Variants in AKAP9 observed in about 807,000 individuals in gnomAD.
The protein encoded by AKAP9 is A-kinase anchor protein 9.
Under a neutral mutation model 488.5 loss-of-function variants are expected in AKAP9, and 311 were observed. The observed-to-expected ratio is 0.64, with a 90% CI of 0.58 to 0.70. The LOEUF (loss-of-function observed/expected upper bound fraction) is 0.70, where lower values mean the gene tolerates loss of function less well. AKAP9 is among the 30% of genes least tolerant of loss of function. The probability of loss-of-function intolerance (pLI) is 0.00; values close to 1 mark genes in which losing one functional copy is unlikely to be tolerated. For synonymous variants in AKAP9, 1,462 were observed against 1,483.5 expected (o/e 0.99, Z 0.33); for missense variants, 4,215 against 4,374.5 (o/e 0.96, Z 1.03).
chr7:92,038,427 G>T lies in AKAP9; in HGVS notation c.4347G>T (p.Val1449=). The change falls in exon 17 of 50, where the codon GTG becomes GTT. Residue 1449 remains valine, a synonymous_variant. Transcript: ENST00000356239. ...TGCTTTTATTTCTTTAGGTTATTGT[G>T]TCAATGAGTATAGCATTTGCTCAAC... ...QLEEEVAKVI[V]SMSIAFAQQT... is the part of the protein sequence containing the mutation. 6.2e-7 allele frequency: 1 copy of T among 1,610,570 alleles called. No homozygotes were observed. Among genetic ancestry groups the T allele is most frequent in the Non-Finnish European group, 8.5e-7 (1 of 1,177,214 alleles).
intron 22 of AKAP9, among the ~76,000 whole-genome samples, chr7:92,055,179 A>C (rs541942665): frequency 6.6e-6 from 1 of 152,052 alleles, no homozygotes; most frequent in Non-Finnish European, 1.5e-5. Context: ...GCTTCCTAAT[A>C]CTTGTTTTTA....
Position 92,083,500 on chromosome 7 carries a change from A to T in AKAP9, c.8491A>T (p.Met2831Leu). 2 of 1,611,644 alleles carry T rather than the reference A, an allele frequency of 1.2e-6. No individual in the cohort carries two copies. The highest frequency in any genetic ancestry group is 1.7e-4 in the Middle Eastern group (1 of 6,048). ...ISQFTEKIEK[M>L]QELHAAEILD... ...TCAGTTTACTGAAAAAATTGAGAAGATGCAAGAACTACATGCTGCTGAAAT... is the reference window on the plus strand; with the variant it reads ...TCAGTTTACTGAAAAAATTGAGAAGTTGCAAGAACTACATGCTGCTGAAAT... Residue 2831 changes from methionine to leucine, a missense_variant, in exon 33 of 50, where the codon ATG becomes TTG. Met to Leu is a conservative substitution (Grantham distance 15, BLOSUM62 2). Around this residue, in one of 5 missense-constraint regions of AKAP9, gnomAD observed 1,476 missense variants for 1,477.4 expected, o/e 1.00. Transcript: ENST00000356239.
At position 92,103,094 on chromosome 7, in the gene AKAP9, T is replaced by A. The variant is rs79948417; in HGVS notation, c.11330+268T>A. ...TGGCCTATCCAATCACGGCTGCCTTTTAGAAAACAATCTGGGCCAGGCGTG... is the reference window on the plus strand; with the variant it reads ...TGGCCTATCCAATCACGGCTGCCTTATAGAAAACAATCTGGGCCAGGCGTG... On this transcript the variant is annotated intron_variant, in intron 46 of 49. Coordinates refer to ENST00000356239, the MANE Select transcript of AKAP9 (RefSeq NM_005751.5). Among the ~76,000 whole-genome samples the A allele has an allele frequency of 0.011, 1,599 of 152,190 alleles. 25 individuals carry two copies. Among genetic ancestry groups the A allele is most frequent in the African/African-American group, 0.037 (1,519 of 41,512 alleles).
chr7:92,086,343 C>G lies in AKAP9; in HGVS notation c.9140C>G (p.Thr3047Arg). ...AGTGTTTTACTAGCAGCATTTCGGACGGAGCTGACAGCTCTAGGTACTACA... is the reference window on the plus strand; with the variant it reads ...AGTGTTTTACTAGCAGCATTTCGGAGGGAGCTGACAGCTCTAGGTACTACA... The part of the protein sequence containing the change: ...ERSVLLAAFR[T>R]ELTALGTTDA... Residue 3047 changes from threonine (T) to arginine (R), a missense_variant, in exon 37 of 50, where the codon ACG becomes AGG. Coordinates refer to ENST00000356239, the MANE Select transcript of AKAP9 (RefSeq NM_005751.5). 1 of 1,613,880 alleles carries G rather than the reference C, an allele frequency of 6.2e-7. No individual in the cohort carries two copies. The highest frequency in any genetic ancestry group is 8.5e-7 in the Non-Finnish European group (1 of 1,179,918).
chr7:92,061,345 A>G lies in AKAP9; in HGVS notation c.5687A>G (p.Gln1896Arg). 2 of 1,613,182 alleles carry G rather than the reference A, an allele frequency of 1.2e-6. No homozygotes were observed. The highest frequency in any genetic ancestry group is 1.7e-6 in the Non-Finnish European group (2 of 1,179,508). The change falls in exon 23 of 50, where the codon CAA becomes CGA. Residue 1896 changes from glutamine (Q) to arginine (R), a missense_variant. Gln to Arg is a conservative substitution (Grantham distance 43, BLOSUM62 1). Transcript: ENST00000356239. ...GAAGCAACAGAGTCCCTTAAGTGCC[A>G]AGAGGAACTTCGAGAGCGCCTTCAT... is the stretch of plus-strand genomic sequence containing the variant. ...KQEATESLKC[Q>R]EELRERLHEE...
chr7:92,026,162 T>C (rs2130739884), intron 14 of AKAP9, among the ~76,000 whole-genome samples: 1 of 152,302 alleles, frequency 6.6e-6, no homozygotes, highest in East Asian at 1.9e-4. Context: ...AGGTACATCA[T>C]ATAAATAGGA....
intron 15 of AKAP9, among the ~76,000 whole-genome samples, chr7:92,030,893 C>T (rs1804128345): frequency 6.6e-6 from 1 of 152,140 alleles, no homozygotes; most frequent in Non-Finnish European, 1.5e-5. Context: ...ATTTTTAGCT[C>T]TTAAGTCTTA....
At chr7:92,062,986 TTAAG>T (rs1206131453) in intron 24 of AKAP9, among the ~76,000 whole-genome samples, 2 of 152,182 alleles carry the variant, frequency 1.3e-5, no homozygotes, top group Non-Finnish European at 2.9e-5. Flanking sequence ...ACTTAAATGT[TTAAG>T]TAACCTTTCA....
chr7:92,047,055 A>C (rs568238409), intron 21 of AKAP9, among the ~76,000 whole-genome samples: 14 of 152,208 alleles, frequency 9.2e-5, no homozygotes, highest in Non-Finnish European at 2.1e-4. Context: ...ATAAATGGAT[A>C]ATTTAACTCA....
chr7:91,988,325 A>T (rs935801302), intron 3 of AKAP9, among the ~76,000 whole-genome samples: 1 of 133,712 alleles, frequency 7.5e-6, no homozygotes, highest in Non-Finnish European at 1.6e-5. Flanking sequence ...AAAAAAAAAA[A>T]GCTAGGTGAT....
At chr7:92,051,411 T>A (rs184182857) in intron 21 of AKAP9, among the ~76,000 whole-genome samples, 1 of 152,308 alleles carries the variant, frequency 6.6e-6, no homozygotes, top group African/African-American at 2.4e-5. Context: ...TAAGTACCAG[T>A]GTAGCTGATG....
chr7:92,006,084 T>G (rs1243087631), intron 8 of AKAP9, among the ~76,000 whole-genome samples: 2 of 152,152 alleles, frequency 1.3e-5, no homozygotes, highest in African/African-American at 4.8e-5. Flanking sequence ...AGGAAGCATT[T>G]TTGGGAGAAG....
At position 92,007,572 on chromosome 7, in the gene AKAP9, G is replaced by C. The variant is rs1800083704; in HGVS notation, c.3318+4337G>C. On this transcript the variant is annotated intron_variant, in intron 8 of 49. Transcript: ENST00000356239. Reference sequence around the variant, plus strand: ...CACTTTAATGAAGGATAGGAGGCTTGAATAAATGAAAAGTCTCATTTCTGA... The same window carrying C: ...CACTTTAATGAAGGATAGGAGGCTTCAATAAATGAAAAGTCTCATTTCTGA... 2.0e-5 allele frequency among the ~76,000 whole-genome samples: 3 copies of C among 152,128 alleles called. No individual in the cohort carries two copies. The South Asian group carries it at 6.2e-4, about 31-fold the overall frequency.
In AKAP9 at chr7:92,070,256, C is replaced by A. The variant is rs763712396; in HGVS notation, c.6507+50C>A. On this transcript the variant is annotated intron_variant, in intron 27 of 49. Coordinates refer to ENST00000356239, the MANE Select transcript of AKAP9 (RefSeq NM_005751.5). ...TTAATAAGTGTTTTAATGAAGAATA[C>A]TCTTAAATTGTCAACTTCTTGTAGG... 2.6e-6 allele frequency: 4 copies of A among 1,567,642 alleles called. No individual in the cohort carries two copies. The Admixed American group carries it at 6.7e-5, about 26-fold the overall frequency.
At chr7:92,066,651 A>T in intron 26 of AKAP9, 105 bp downstream of exon 26, 1 of 1,371,214 alleles carries the variant, frequency 7.3e-7, no homozygotes, top group Admixed American at 1.8e-5. Flanking sequence ...CTTTGTATGT[A>T]AATCTTCAAA....
intron 41 of AKAP9, 45 bp downstream of exon 41, chr7:92,097,402 C>A (rs756675424): frequency 2.5e-6 from 4 of 1,596,020 alleles, no homozygotes; most frequent in Non-Finnish European, 3.4e-6. Flanking sequence ...GAAAGCACTG[C>A]AGCCCTTTGA....
chr7:91,956,771 C>T (rs1204000088), intron 1 of AKAP9, among the ~76,000 whole-genome samples: 2 of 152,118 alleles, frequency 1.3e-5, no homozygotes, highest in Admixed American at 1.3e-4. Context: ...TAAATTGAGA[C>T]TGAAAAACGT....
intron 24 of AKAP9, among the ~76,000 whole-genome samples, chr7:92,063,290 A>G (rs1003888548): frequency 6.6e-6 from 1 of 152,186 alleles, no homozygotes; most frequent in African/African-American, 2.4e-5. Context: ...ATATATGCAA[A>G]ATATTCAAGA....
At chr7:91,948,491 C>G (rs1791756566) in intron 1 of AKAP9, among the ~76,000 whole-genome samples, 1 of 150,880 alleles carries the variant, frequency 6.6e-6, no homozygotes, top group Non-Finnish European at 1.5e-5. Context: ...TTTTTTAATA[C>G]TCATCCTTGT....
Sources: allele counts gnomAD v4.1 joint callset (sites outside exome capture counted in the v4.1 genomes callset), GRCh38; gene constraint gnomAD v4.1.1; regional missense constraint gnomAD v4.1.1; transcripts MANE v1.5; gene names NCBI Gene and HGNC (gene_info 2026-07-23, HGNC 2026-07-21).